SF3B2: variants seen among roughly 807,000 people sequenced by gnomAD.
The protein encoded by SF3B2 is SAP 145.
In SF3B2, 22 loss-of-function variants were observed where a neutral mutation model predicts 116.3. That is an observed-to-expected ratio of 0.19 (90% CI 0.14 to 0.27). The LOEUF (loss-of-function observed/expected upper bound fraction) is 0.27, where lower values mean the gene tolerates loss of function less well. SF3B2 is among the 10% of genes least tolerant of loss of function. The pLI, the probability that SF3B2 is intolerant of heterozygous loss-of-function variation, is 1.00. For missense variants in SF3B2, 767 were observed against 1,151.4 expected (o/e 0.67, Z 4.83); for synonymous variants, 406 against 421.6 (o/e 0.96, Z 0.45).
intron 3 of SF3B2, among the ~76,000 whole-genome samples, chr11:66,054,350 G>T (rs1036681371): frequency 6.6e-6 from 1 of 151,964 alleles, no homozygotes; most frequent in African/African-American, 2.4e-5. Flanking sequence ...GGTGGCAGGT[G>T]CCTGTAATCC....
Position 66,059,359 on chromosome 11 carries a change from T to G in SF3B2, c.1320+21T>G, listed in dbSNP as rs750722252. ...AGCAGGTCAGGCCCAGCCCTCCTGG[T>G]GGGAAGCAGGGACTCTGGGCACAGG... On this transcript the variant is annotated intron_variant, in intron 11 of 21. Transcript: ENST00000322535. The surrounding 1 kb of genome is among the most constrained non-coding windows in gnomAD (Gnocchi z 5.0). 1 of 1,613,264 alleles carries G rather than the reference T, an allele frequency of 6.2e-7. No individual in the cohort carries two copies. Among genetic ancestry groups the G allele is most frequent in the East Asian group, 2.2e-5 (1 of 44,862 alleles).
chr11:66,052,780 C>G, intron 2 of SF3B2, 61 bp downstream of exon 2: 3 of 1,496,104 alleles, frequency 2.0e-6, no homozygotes, highest in Non-Finnish European at 2.7e-6. Context: ...CTTATATACC[C>G]CATCACGGCT....
At chr11:66,053,231 A>G in intron 3 of SF3B2, 127 bp downstream of exon 3, 1 of 884,540 alleles carries the variant, frequency 1.1e-6, no homozygotes, top group Non-Finnish European at 1.9e-6. Flanking sequence ...GCCTGACCTG[A>G]GTGGGGAAAA....
chr11:66,057,414 T>C (rs1184096652), intron 7 of SF3B2, 39 bp downstream of exon 7: 2 of 954,246 alleles, frequency 2.1e-6, no homozygotes, highest in East Asian at 2.4e-5. Flanking sequence ...AAGAGAGTGG[T>C]AGTTTAGGAT....
At chr11:66,052,933 G>T (rs1472969726) in intron 2 of SF3B2, 94 bp from the exon 3 acceptor site, 1 of 1,346,372 alleles carries the variant, frequency 7.4e-7, no homozygotes, top group East Asian at 2.3e-5. Flanking sequence ...TGGCAGACAG[G>T]CACTGGGTAC....
In SF3B2 at chr11:66,068,574, C is replaced by G. The variant is rs1289899873; in HGVS notation, c.2617-100C>G. 4 of 1,071,274 alleles carry G rather than the reference C, an allele frequency of 3.7e-6. No individual in the cohort carries two copies. The African/African-American group carries it at 6.4e-5, about 17-fold the overall frequency. 66.4% of individuals were successfully genotyped at this position (1,071,274 alleles called of 1,614,324 possible). On this transcript the variant is annotated intron_variant, in intron 21 of 21. Coordinates refer to ENST00000322535, the MANE Select transcript of SF3B2 (RefSeq NM_006842.3). ...AAGAGAATTCAGATTCAGCGCCTTT[C>G]CCACAGACTTCTATGTCTATGTCAG...
In SF3B2 at chr11:66,062,004, C is replaced by T. The variant is rs1857107723; in HGVS notation, c.1977+6C>T. The stretch of plus-strand genomic sequence containing the variant: ...TGAACTCGCCCATCCCTGAGGTGAG[C>T]ATTGTCCTTTCGTTCATTCTTGGCC... On this transcript the variant is annotated splice_donor_region_variant and intron_variant, in intron 16 of 21. Coordinates refer to ENST00000322535, the MANE Select transcript of SF3B2 (RefSeq NM_006842.3). 6.2e-7 allele frequency: 1 copy of T among 1,601,988 alleles called. No homozygotes were observed. Among genetic ancestry groups the T allele is most frequent in the Admixed American group, 1.7e-5 (1 of 58,504 alleles).
intron 2 of SF3B2, 76 bp downstream of exon 2, chr11:66,052,795 C>T: frequency 3.4e-6 from 5 of 1,470,004 alleles, no homozygotes; most frequent in Admixed American, 4.5e-5. Flanking sequence ...ACGGCTCGGT[C>T]TTCATTCTTT....
rs1857246179 is a variant in SF3B2 at position 66,069,245 on chromosome 11, G to A, written c.*500G>A. 2.6e-6 allele frequency: 1 copy of A among 385,954 alleles called. No individual in the cohort carries two copies. The highest frequency in any genetic ancestry group is 2.7e-5 in the Admixed American group (1 of 36,896). The allele number at this position is 385,954 out of a possible 1,614,324, so 23.9% of individuals were successfully genotyped here. On this transcript the variant is annotated 3_prime_UTR_variant, in exon 22 of 22. Transcript: ENST00000322535. ...GGCAGGCCTTCCCAACTGACCTTGTGACCAGAAGTTCAAGTCCTTACCTGT... is the reference window on the plus strand; with the variant it reads ...GGCAGGCCTTCCCAACTGACCTTGTAACCAGAAGTTCAAGTCCTTACCTGT...
rs34575917 is a variant in SF3B2 at position 66,056,399 on chromosome 11, C to CAAA, written c.550-419_550-417dup. On this transcript the variant is annotated intron_variant, in intron 5 of 21. Coordinates refer to ENST00000322535, the MANE Select transcript of SF3B2 (RefSeq NM_006842.3). ...TAGGCAACAGAGCCAGACTCTGTCT[C>CAAA]AAAAAAAAAAAAAAAAAAAAAAGCC... Among the ~76,000 whole-genome samples the CAAA allele has an allele frequency of 1.9e-3, 99 of 51,648 alleles. 1 individual carries two copies. Among genetic ancestry groups the CAAA allele is most frequent in the African/African-American group, 2.2e-3 (27 of 12,328 alleles). 33.9% of individuals were successfully genotyped at this position (51,648 alleles called of 152,430 possible). A position where few individuals can be genotyped will look rare whatever the true frequency, so the allele number is the denominator to read the frequency against.
At chr11:66,066,661 C>T (rs149561796) in intron 19 of SF3B2, 1 of 152,282 alleles carries the variant, frequency 6.6e-6, no homozygotes, top group Non-Finnish European at 1.5e-5. Flanking sequence ...CTCTACCCAC[C>T]ACCCTGTGAA....
intron 5 of SF3B2, 118 bp downstream of exon 5, chr11:66,055,703 C>A: frequency 1.2e-6 from 1 of 850,582 alleles, no homozygotes; most frequent in Non-Finnish European, 1.9e-6. Flanking sequence ...CAACTAAGTT[C>A]TAGTATCTTC....
intron 21 of SF3B2, 148 bp downstream of exon 21, chr11:66,068,481 C>T (rs998839852): frequency 1.4e-5 from 13 of 935,298 alleles, no homozygotes; most frequent in South Asian, 3.5e-5. Context: ...CTTAGAAATC[C>T]TCCAGTGGGC....
chr11:66,069,223 A>AG lies in SF3B2; in HGVS notation c.*480dup. 2.7e-6 allele frequency: 1 copy of AG among 374,884 alleles called. No homozygotes were observed. The highest frequency in any genetic ancestry group is 2.1e-5 in the African/African-American group (1 of 48,004). The allele number at this position is 374,884 out of a possible 1,614,324, so 23.2% of individuals were successfully genotyped here. On this transcript the variant is annotated 3_prime_UTR_variant, in exon 22 of 22. Coordinates refer to ENST00000322535, the MANE Select transcript of SF3B2 (RefSeq NM_006842.3). ...GTGGGCTTGGGAAGTAGGCCAGGGC[A>AG]GGCCTTCCCAACTGACCTTGTGACC...
At chr11:66,054,313 C>A (rs1856952978) in intron 3 of SF3B2, among the ~76,000 whole-genome samples, 1 of 151,524 alleles carries the variant, frequency 6.6e-6, no homozygotes. Context: ...CTTGTCTCTA[C>A]TAAAAATATA....
intron 14 of SF3B2, among the ~76,000 whole-genome samples, chr11:66,061,321 A>G (rs1857097099): frequency 6.6e-6 from 1 of 152,086 alleles, no homozygotes; most frequent in South Asian, 2.1e-4. Flanking sequence ...CTTTTAGGAA[A>G]CTTTTAATAT....
Position 66,068,328 on chromosome 11 carries a change from CAG to C in SF3B2, c.2613_2614del (p.Lys872AlafsTer19). On this transcript the variant is annotated frameshift_variant, in exon 21 of 22. Coordinates refer to ENST00000322535, the MANE Select transcript of SF3B2 (RefSeq NM_006842.3). LOFTEE classifies it high-confidence loss of function. ...SDMVAEHAAK[Q>X]KQKKRKAQPQ... ...CATGGTGGCTGAGCACGCTGCCAAA[CAG>C]AAGGTAGGCGCTTCCAGGGGCGCTG... 6.2e-7 allele frequency: 1 copy of C among 1,610,066 alleles called. No homozygotes were observed. The highest frequency in any genetic ancestry group is 1.3e-5 in the African/African-American group (1 of 75,004).
At chr11:66,052,589 C>T (rs1455014300) in intron 1 of SF3B2, 72 bp downstream of exon 1, 28 of 1,590,774 alleles carry the variant, frequency 1.8e-5, no homozygotes, top group Non-Finnish European at 2.4e-5. Flanking sequence ...CCGGGAGACT[C>T]GGGTGCGAGG....
Position 66,055,304 on chromosome 11 carries a change from C to G in SF3B2, c.487C>G (p.Arg163Gly), listed in dbSNP as rs143179110. 5 of 1,612,140 alleles carry G rather than the reference C, an allele frequency of 3.1e-6. No homozygotes were observed. The Admixed American group carries it at 5.0e-5, about 16-fold the overall frequency. Reference sequence around the variant, plus strand: ...GGCATTGCTGATGCAGCAGGAGGAGCGTGCCAAGCAGGTAGGGCAGGTGGC... The same window carrying G: ...GGCATTGCTGATGCAGCAGGAGGAGGGTGCCAAGCAGGTAGGGCAGGTGGC... The part of the protein sequence containing the change: ...QAALLMQQEE[R>G]AKQQGDHSLK... The change falls in exon 4 of 22, where the codon CGT (arginine) becomes GGT (glycine). Residue 163 changes from arginine to glycine, a missense_variant. This residue lies in a region of SF3B2 where 455 missense variants were observed against 537.5 expected (regional missense o/e 0.85). Transcript: ENST00000322535.
Sources: gnomAD v4.1 joint callset for allele counts (sites outside exome capture counted in the v4.1 genomes callset) on GRCh38, gnomAD v4.1.1 for gene constraint, gnomAD v4.1.1 regional missense constraint, Gnocchi (gnomAD v3.1) non-coding constraint, MANE v1.5 for transcripts, NCBI Gene and HGNC (gene_info 2026-07-23, HGNC 2026-07-21) for gene names.